The following CLEC16A variants were observed in gnomAD, a reference collection of about 807,000 sequenced individuals.
CLEC16A encodes the protein protein CLEC16A.
Under a neutral mutation model 109.5 loss-of-function variants are expected in CLEC16A, and 51 were observed. The ratio of observed to expected loss-of-function variants is 0.47; its 90% CI spans 0.37 to 0.59. The LOEUF (loss-of-function observed/expected upper bound fraction) is 0.59. CLEC16A is among the 20% of genes least tolerant of loss of function. The pLI is 0.00. For missense variants in CLEC16A, 1,339 were observed against 1,394.0 expected, an observed-to-expected ratio of 0.96 and a Z score of 0.63; for synonymous variants, 673 against 564.2, an observed-to-expected ratio of 1.19 and a Z score of -2.73.
intron 19 of CLEC16A, among the ~76,000 whole-genome samples, chr16:11,112,257 G>T (rs147197145): frequency 7.6e-4 from 115 of 152,314 alleles, no homozygotes; most frequent in Non-Finnish European, 1.3e-3. Flanking sequence ...CTGCAGAGGG[G>T]CACAGGAGAC....
At chr16:11,015,122 G>A (rs1000191982) in intron 11 of CLEC16A, among the ~76,000 whole-genome samples, 3 of 152,178 alleles carry the variant, frequency 2.0e-5, no homozygotes, top group Non-Finnish European at 2.9e-5. Flanking sequence ...TCAAAAAGAA[G>A]AGCAAGAAAC....
At chr16:11,051,479 T>G (rs1419805856) in intron 17 of CLEC16A, 34 bp from the exon 18 acceptor site, 1 of 1,589,510 alleles carries the variant, frequency 6.3e-7, no homozygotes, top group South Asian at 1.1e-5. Flanking sequence ...AAGTAAGGAA[T>G]CTGCTTTGAG....
At chr16:11,175,690 C>T (rs1320806285) in intron 23 of CLEC16A, among the ~76,000 whole-genome samples, 1 of 152,206 alleles carries the variant, frequency 6.6e-6, no homozygotes, top group Non-Finnish European at 1.5e-5. Flanking sequence ...AGCGGGGAAA[C>T]CAACCCTTTT....
At position 10,944,728 on chromosome 16, in the gene CLEC16A, G is replaced by T; in HGVS notation, c.11G>T (p.Arg4Leu). 1 of 1,607,370 alleles carries T rather than the reference G, an allele frequency of 6.2e-7. No homozygotes were observed. Among genetic ancestry groups the T allele is most frequent in the Non-Finnish European group, 8.5e-7 (1 of 1,177,848 alleles). Residue 4 changes from arginine to leucine, a missense_variant, in exon 1 of 24, where the codon CGC (arginine) becomes CTC (leucine). Arg to Leu is a moderately radical substitution (Grantham distance 102). Transcript: ENST00000409790. MFG[R>L]SRSWVGGGHG... is the part of the protein sequence containing the mutation. Reference sequence around the variant, plus strand: ...GTCGGGGCCGCCGACATGTTTGGCCGCTCGCGGAGCTGGGTGGGCGGGGGC... The same window carrying T: ...GTCGGGGCCGCCGACATGTTTGGCCTCTCGCGGAGCTGGGTGGGCGGGGGC...
intron 17 of CLEC16A, among the ~76,000 whole-genome samples, chr16:11,050,847 C>T (rs536560666): frequency 1.3e-5 from 2 of 152,322 alleles, no homozygotes; most frequent in East Asian, 3.9e-4. Flanking sequence ...TATATTATCC[C>T]AGGTAAGATG....
At chr16:10,976,079 A>C (rs2043017794) in intron 7 of CLEC16A, among the ~76,000 whole-genome samples, 2 of 152,172 alleles carry the variant, frequency 1.3e-5, no homozygotes, top group South Asian at 4.1e-4. Flanking sequence ...AGCGTGGGCA[A>C]CATGGTGAGA....
chr16:11,167,453 G>T (rs942953467), intron 23 of CLEC16A, among the ~76,000 whole-genome samples: 35 of 152,152 alleles, frequency 2.3e-4, no homozygotes, highest in Admixed American at 1.0e-3. Context: ...TTGAGTTCTG[G>T]ATTGATTGAT....
rs559469097 is a variant in CLEC16A, at chr16:11,079,661, A to C, written c.2116+18639A>C. On this transcript the variant is annotated intron_variant, in intron 19 of 23. Coordinates refer to ENST00000409790, the MANE Select transcript of CLEC16A (RefSeq NM_015226.3). Reference sequence around the variant, plus strand: ...TTTATAATACACTTTGCATTTTTCTAAATGCAGTTGGGGTTTTCCAGAGCT... The same window carrying C: ...TTTATAATACACTTTGCATTTTTCTCAATGCAGTTGGGGTTTTCCAGAGCT... Among the ~76,000 whole-genome samples the C allele has an allele frequency of 1.2e-4, 19 of 152,274 alleles. No individual in the cohort carries two copies. In the East Asian group the frequency reaches 3.7e-3, roughly 29 times the overall value.
At chr16:11,041,399 A>G (rs1010320029) in intron 14 of CLEC16A, 3 of 152,262 alleles carry the variant, frequency 2.0e-5, no homozygotes, top group Non-Finnish European at 4.4e-5. Context: ...GTGTTAGCTT[A>G]TAAAGACTGC....
Position 11,176,363 on chromosome 16 carries a change from G to A in CLEC16A, c.2807-1972G>A, listed in dbSNP as rs576945135. On this transcript the variant is annotated intron_variant, in intron 23 of 23. Transcript: ENST00000409790. ...CGATGCCCATTGCCACCCTCCCAGA[G>A]CGAGGACCAAAGCCTCATGCAGTGG... Among the ~76,000 whole-genome samples, 5 of 152,342 alleles carry A rather than the reference G, an allele frequency of 3.3e-5. No individual in the cohort carries two copies. In the East Asian group the frequency reaches 9.6e-4, roughly 29 times the overall value.
chr16:10,967,978 A>G (rs1429005786), intron 3 of CLEC16A, among the ~76,000 whole-genome samples: 2 of 152,240 alleles, frequency 1.3e-5, no homozygotes, highest in East Asian at 3.8e-4. Context: ...CAGGTCTGAC[A>G]AGCTCCGGGG....
intron 10 of CLEC16A, among the ~76,000 whole-genome samples, chr16:10,988,327 G>A (rs1214868542): frequency 6.6e-6 from 1 of 151,960 alleles, no homozygotes; most frequent in Non-Finnish European, 1.5e-5. Context: ...CATCTGTTGT[G>A]TACTTGTGCT....
intron 18 of CLEC16A, among the ~76,000 whole-genome samples, chr16:11,054,116 C>T (rs963660094): frequency 6.6e-6 from 1 of 152,226 alleles, no homozygotes; most frequent in Admixed American, 6.5e-5. Context: ...GGGGTGCTGG[C>T]AGGAGCCAGA....
chr16:11,102,489 C>T (rs913229448), intron 19 of CLEC16A, among the ~76,000 whole-genome samples: 2 of 152,200 alleles, frequency 1.3e-5, no homozygotes, highest in Admixed American at 6.5e-5. Context: ...ACTGCTGTGC[C>T]GGTAAGCATT....
At chr16:11,097,170 A>G (rs2050655069) in intron 19 of CLEC16A, among the ~76,000 whole-genome samples, 1 of 152,204 alleles carries the variant, frequency 6.6e-6, no homozygotes. Context: ...AGAACAGGTT[A>G]AAGGACATGC....
chr16:11,123,295 G>A (rs2052567065), intron 20 of CLEC16A, among the ~76,000 whole-genome samples: 1 of 152,182 alleles, frequency 6.6e-6, no homozygotes, highest in Admixed American at 6.5e-5. Flanking sequence ...CTTCTTAGAA[G>A]AAATAAGGAA....
At chr16:11,050,936 G>A (rs1039395016) in intron 17 of CLEC16A, among the ~76,000 whole-genome samples, 5 of 152,208 alleles carry the variant, frequency 3.3e-5, no homozygotes, top group Non-Finnish European at 5.9e-5. Flanking sequence ...ACAGGCCTGG[G>A]CTCATGTCTT....
At chr16:11,050,175 G>T (rs2047863481) in intron 17 of CLEC16A, among the ~76,000 whole-genome samples, 1 of 152,248 alleles carries the variant, frequency 6.6e-6, no homozygotes, top group African/African-American at 2.4e-5. Context: ...AGAGGGAACA[G>T]AACTCACTCT....
chr16:11,161,740 G>T (rs965570489), intron 22 of CLEC16A, among the ~76,000 whole-genome samples: 1 of 152,218 alleles, frequency 6.6e-6, no homozygotes, highest in Non-Finnish European at 1.5e-5. Flanking sequence ...TGTCCTGCAG[G>T]AATGGGGCCC....
Sources: gnomAD v4.1 joint callset for allele counts (sites outside exome capture counted in the v4.1 genomes callset) on GRCh38, gnomAD v4.1.1 for gene constraint, MANE v1.5 for transcripts, NCBI Gene and HGNC (gene_info 2026-07-23, HGNC 2026-07-21) for gene names.